The following EVL variants were observed in gnomAD, a reference collection of about 807,000 sequenced individuals.
EVL encodes Enah/Vasp-like, also known as ena/VASP-like protein.
A neutral mutation model predicts 59.6 loss-of-function variants in EVL; 21 were observed. The ratio of observed to expected loss-of-function variants is 0.35; its 90% CI spans 0.25 to 0.51. EVL has a LOEUF of 0.51. Ranked by LOEUF, EVL falls within the 20% of genes least tolerant of loss-of-function variation. The pLI is 0.97. For synonymous variants in EVL, 198 were observed against 203.5 expected (o/e 0.97, Z 0.23); for missense variants, 462 against 546.6 (o/e 0.85, Z 1.54).
intron 5 of EVL, 67 bp downstream of exon 5, chr14:100,126,838 T>G: frequency 1.3e-6 from 2 of 1,523,998 alleles, no homozygotes; most frequent in Non-Finnish European, 1.8e-6. Flanking sequence ...TCCACGTAGA[T>G]GAGGCCCAGG....
At chr14:100,123,420 A>C (rs1210304131) in intron 3 of EVL, 119 bp from the exon 4 acceptor site, 1 of 943,728 alleles carries the variant, frequency 1.1e-6, no homozygotes, top group African/African-American at 1.6e-5. Flanking sequence ...ATTTAAAAAG[A>C]TTCTTAAGGA....
chr14:100,103,212 A>G (rs1886343416), intron 3 of EVL, among the ~76,000 whole-genome samples: 1 of 150,806 alleles, frequency 6.6e-6, no homozygotes, highest in Non-Finnish European at 1.5e-5. Context: ...TTGAAGGAAA[A>G]GGATACCAAA....
chr14:99,974,036 C>T (rs1053533115), intron 1 of EVL, among the ~76,000 whole-genome samples: 1 of 152,126 alleles, frequency 6.6e-6, no homozygotes, highest in African/African-American at 2.4e-5. Flanking sequence ...GGTCTGGCAA[C>T]AAATTCTTAG....
chr14:100,005,257 TACTGCCTGTGGACTAG>T (rs2060971145), intron 1 of EVL, among the ~76,000 whole-genome samples: 1 of 152,216 alleles, frequency 6.6e-6, no homozygotes, highest in Admixed American at 6.5e-5. Flanking sequence ...CAAACCTCCT[TACTGCCTGTGGACTAG>T]ACTGCCTAAA....
chr14:100,086,299 C>G (rs2062442013), intron 2 of EVL, among the ~76,000 whole-genome samples: 1 of 152,312 alleles, frequency 6.6e-6, no homozygotes, highest in East Asian at 1.9e-4. Flanking sequence ...ACACACTGTG[C>G]CACACGTTGC....
chr14:100,020,063 C>G (rs1350874981), intron 1 of EVL, among the ~76,000 whole-genome samples: 2 of 152,218 alleles, frequency 1.3e-5, no homozygotes, highest in Non-Finnish European at 2.9e-5. Flanking sequence ...ATGCAGTCTA[C>G]TGCTCTTTTT....
At chr14:100,116,460 G>A (rs992196143) in intron 3 of EVL, among the ~76,000 whole-genome samples, 3 of 152,184 alleles carry the variant, frequency 2.0e-5, no homozygotes, top group African/African-American at 7.2e-5. Context: ...ACTGGAAACT[G>A]AGCCCATCCC....
chr14:100,040,940 G>A (rs772076593), intron 1 of EVL, among the ~76,000 whole-genome samples: 10 of 152,288 alleles, frequency 6.6e-5, no homozygotes, highest in Middle Eastern at 3.4e-3. Context: ...AAGCTACAAC[G>A]TTTGTGGAGG....
upstream of EVL, among the ~76,000 whole-genome samples, chr14:100,064,173 T>C (rs929101448): frequency 6.6e-6 from 1 of 152,250 alleles, no homozygotes; most frequent in Admixed American, 6.5e-5. Context: ...CAATTAGAAC[T>C]GATACTTCTT....
chr14:100,024,814 G>C (rs2061183131), intron 1 of EVL, among the ~76,000 whole-genome samples: 1 of 151,980 alleles, frequency 6.6e-6, no homozygotes, highest in Non-Finnish European at 1.5e-5. Flanking sequence ...GTCTAACACG[G>C]TTCTCCAGCT....
chr14:100,138,044 AGG>A (rs3837589), intron 11 of EVL: 15 of 581,156 alleles, frequency 2.6e-5, no homozygotes, highest in East Asian at 1.1e-4. Flanking sequence ...GAGGTAGTGC[AGG>A]GGGGGGCCAA....
intron 1 of EVL, among the ~76,000 whole-genome samples, chr14:100,006,276 T>G (rs1252026904): frequency 6.7e-6 from 1 of 149,946 alleles, no homozygotes; most frequent in Non-Finnish European, 1.5e-5. Context: ...ACCAGCTGGT[T>G]GTTAATCTTT....
Position 100,101,589 on chromosome 14 carries a change from G to A in EVL, c.358+3931G>A, listed in dbSNP as rs145700873. On this transcript the variant is annotated intron_variant, in intron 3 of 13. Transcript: ENST00000392920. The stretch of plus-strand genomic sequence containing the variant: ...ACCCAGGAGGCAGAGGTTGCAGTAA[G>A]CCGAGATTGTACCATTATGCTCCAG... Among the ~76,000 whole-genome samples, 1,406 of 152,314 alleles carry A rather than the reference G, an allele frequency of 9.2e-3. 16 individuals carry two copies. Among genetic ancestry groups the A allele is most frequent in the Middle Eastern group, 0.037 (11 of 294 alleles).
chr14:100,035,681 TAAAAG>T (rs140056605), intron 1 of EVL, among the ~76,000 whole-genome samples: 1,926 of 152,294 alleles, frequency 0.013, 14 homozygotes, highest in Non-Finnish European at 0.02. Context: ...TTGAGAAATT[TAAAAG>T]AAAAGACATT....
chr14:100,041,155 C>T (rs1024723689), intron 1 of EVL, among the ~76,000 whole-genome samples: 6 of 152,160 alleles, frequency 3.9e-5, no homozygotes, highest in African/African-American at 1.2e-4. Context: ...TTCCCCCATT[C>T]CTTTTAACTC....
intron 3 of EVL, among the ~76,000 whole-genome samples, chr14:100,123,180 C>A (rs1887806023): frequency 6.6e-6 from 1 of 152,070 alleles, no homozygotes; most frequent in Admixed American, 6.6e-5. Context: ...TGTAAAGAGG[C>A]CAGATTCAAT....
intron 1 of EVL, among the ~76,000 whole-genome samples, chr14:100,076,287 C>T (rs2062159560): frequency 6.6e-6 from 1 of 152,212 alleles, no homozygotes; most frequent in Non-Finnish European, 1.5e-5. Flanking sequence ...CGTTTGTGGG[C>T]AGCCTCAGGT....
intron 2 of EVL, among the ~76,000 whole-genome samples, chr14:100,089,025 A>G (rs1308718644): frequency 6.6e-6 from 1 of 152,266 alleles, no homozygotes; most frequent in Non-Finnish European, 1.5e-5. Flanking sequence ...GCAGACTTTA[A>G]GGCAATAAGT....
chr14:99,989,946 T>C (rs1438724868), intron 1 of EVL, among the ~76,000 whole-genome samples: 1 of 152,210 alleles, frequency 6.6e-6, no homozygotes, highest in African/African-American at 2.4e-5. Flanking sequence ...CTTCTTCTTA[T>C]ACTCAGCTAG....
Sources: gnomAD v4.1 joint callset for allele counts (sites outside exome capture counted in the v4.1 genomes callset) on GRCh38, gnomAD v4.1.1 for gene constraint, MANE v1.5 for transcripts, NCBI Gene and HGNC (gene_info 2026-07-23, HGNC 2026-07-21) for gene names.